Variants in TEK observed in about 807,000 individuals in gnomAD.
TEK encodes the protein TEK receptor tyrosine kinase.
Under a neutral mutation model 131.8 loss-of-function variants are expected in TEK, and 43 were observed. The ratio of observed to expected loss-of-function variants is 0.33; its 90% CI spans 0.26 to 0.42. The LOEUF is 0.42. TEK is among the 10% of genes least tolerant of loss of function. The pLI is 1.00. For missense variants in TEK, 1,162 were observed against 1,384.4 expected, an observed-to-expected ratio of 0.84 and a Z score of 2.55; for synonymous variants, 580 against 491.6, an observed-to-expected ratio of 1.18 and a Z score of -2.38.
intron 1 of TEK, among the ~76,000 whole-genome samples, chr9:27,138,236 C>T (rs13286129): frequency 0.24 from 36,334 of 151,970 alleles, 4,861 homozygotes; most frequent in Admixed American, 0.31. Flanking sequence ...GGGATCTGAG[C>T]GGGTTGCCGC....
chr9:27,155,624 G>C (rs1053437440), intron 1 of TEK, among the ~76,000 whole-genome samples: 1 of 152,194 alleles, frequency 6.6e-6, no homozygotes, highest in Non-Finnish European at 1.5e-5. Flanking sequence ...TACAATGCTT[G>C]ACATAAGTAG....
At chr9:27,129,634 T>C (rs759989691) in intron 1 of TEK, among the ~76,000 whole-genome samples, 1 of 152,252 alleles carries the variant, frequency 6.6e-6, no homozygotes, top group African/African-American at 2.4e-5. Flanking sequence ...AAGGGGCTTA[T>C]GCAAATATTC....
intron 12 of TEK, 152 bp from the exon 13 acceptor site, chr9:27,202,668 G>A: frequency 1.4e-6 from 1 of 732,966 alleles, no homozygotes; most frequent in South Asian, 1.8e-5. Flanking sequence ...AGTCTGCGTG[G>A]AGTCCAGTAG....
At chr9:27,114,580 T>TA (rs999230768) in intron 1 of TEK, among the ~76,000 whole-genome samples, 5 of 150,408 alleles carry the variant, frequency 3.3e-5, no homozygotes, top group South Asian at 2.1e-4. Flanking sequence ...CAAAAAAAAA[T>TA]AAAAAAAAAT....
chr9:27,140,254 C>T (rs1195269647), intron 1 of TEK, among the ~76,000 whole-genome samples: 1 of 152,158 alleles, frequency 6.6e-6, no homozygotes, highest in Non-Finnish European at 1.5e-5. Flanking sequence ...TGAGCTTAGT[C>T]CCAATTCTTG....
intron 18 of TEK, among the ~76,000 whole-genome samples, chr9:27,216,488 G>A (rs758252461): frequency 1.3e-5 from 2 of 152,222 alleles, no homozygotes; most frequent in African/African-American, 2.4e-5. Context: ...TAACACTGTA[G>A]AGAGAGTTAG....
At chr9:27,150,627 G>A (rs997968337) in intron 1 of TEK, among the ~76,000 whole-genome samples, 1 of 152,092 alleles carries the variant, frequency 6.6e-6, no homozygotes, top group African/African-American at 2.4e-5. Context: ...AATAAGGTGT[G>A]AGGCTTGCAC....
intron 1 of TEK, among the ~76,000 whole-genome samples, chr9:27,132,402 T>C (rs1822260974): frequency 6.6e-6 from 1 of 152,202 alleles, no homozygotes; most frequent in African/African-American, 2.4e-5. Context: ...AAAATAATTA[T>C]AGAAGAACCC....
At chr9:27,134,657 A>C (rs1445488422) in intron 1 of TEK, among the ~76,000 whole-genome samples, 2 of 152,174 alleles carry the variant, frequency 1.3e-5, no homozygotes, top group Non-Finnish European at 2.9e-5. Flanking sequence ...GGCAAACTTC[A>C]TTTTCCAGTG....
chr9:27,222,774 A>G (rs965029574), intron 21 of TEK, among the ~76,000 whole-genome samples: 1 of 152,174 alleles, frequency 6.6e-6, no homozygotes, highest in African/African-American at 2.4e-5. Flanking sequence ...AAATCTAAAG[A>G]CCATCGACAC....
rs66900456 is a variant in TEK, at chr9:27,116,859, ATTTT to A, written c.52+7234_52+7237del. Among the ~76,000 whole-genome samples, 9 of 120,758 alleles carry A rather than the reference ATTTT, an allele frequency of 7.5e-5. No individual in the cohort carries two copies. In the East Asian group the frequency reaches 1.8e-3, roughly 24 times the overall value. 79.2% of individuals were successfully genotyped at this position (120,758 alleles called of 152,430 possible). ...GCTGCTGTAGCAGCCATGGAAAGAA[ATTTT>A]TTTTTTTTTTTTTTTTGAGTCGGAG... On this transcript the variant is annotated intron_variant, in intron 1 of 22. Transcript: ENST00000380036.
intron 2 of TEK, among the ~76,000 whole-genome samples, chr9:27,159,404 G>C (rs992976538): frequency 3.3e-5 from 5 of 152,170 alleles, no homozygotes; most frequent in African/African-American, 7.2e-5. Context: ...ATCAGAGTGA[G>C]AGGGCACTAC....
chr9:27,205,787 T>A (rs1436564175), intron 14 of TEK, among the ~76,000 whole-genome samples: 1 of 152,204 alleles, frequency 6.6e-6, no homozygotes, highest in Non-Finnish European at 1.5e-5. Flanking sequence ...TGAACCAGAC[T>A]TTATCAATTC....
chr9:27,139,959 C>T (rs73643149), intron 1 of TEK, among the ~76,000 whole-genome samples: 8,879 of 152,162 alleles, frequency 0.058, 849 homozygotes, highest in African/African-American at 0.2. Context: ...GCCACCTTGG[C>T]TTCCCCAGTC....
chr9:27,116,295 G>A (rs895451477), intron 1 of TEK, among the ~76,000 whole-genome samples: 16 of 148,130 alleles, frequency 1.1e-4, no homozygotes, highest in African/African-American at 3.9e-4. Context: ...TGTAAAGGAA[G>A]TTTTTTTTTT....
At position 27,229,251 on chromosome 9, in the gene TEK, CCT is replaced by C. The variant is rs1369458626; in HGVS notation, c.*22_*23del. The C allele has an allele frequency of 1.2e-6, 2 of 1,611,790 alleles. No individual in the cohort carries two copies. The highest frequency in any genetic ancestry group is 1.7e-6 in the Non-Finnish European group (2 of 1,178,124). The stretch of plus-strand genomic sequence containing the variant: ...GGCCTAGGACAGAACATCTGTATAC[CCT>C]CTGTTTCCCTTTCACTGGCATGGGA... On this transcript the variant is annotated 3_prime_UTR_variant, in exon 23 of 23. Coordinates refer to ENST00000380036, the MANE Select transcript of TEK (RefSeq NM_000459.5).
chr9:27,192,743 C>G lies in TEK; in HGVS notation c.1624+120C>G, dbSNP rs573262992. 1.2e-5 allele frequency: 11 copies of G among 950,628 alleles called. No homozygotes were observed. The East Asian group carries it at 2.4e-4, about 21-fold the overall frequency. The allele number at this position is 950,628 out of a possible 1,614,324, so 58.9% of individuals were successfully genotyped here. A position where few individuals can be genotyped will look rare whatever the true frequency, so the allele number is the denominator to read the frequency against. ...AGTGGGTGGGTGGGGATGGAGGTGG[C>G]AGGAGTTCGCTTTTGAATGGGTGGG... On this transcript the variant is annotated intron_variant, in intron 11 of 22. Coordinates refer to ENST00000380036, the MANE Select transcript of TEK (RefSeq NM_000459.5).
At chr9:27,219,515 A>T (rs36012522) in intron 20 of TEK, among the ~76,000 whole-genome samples, 4,430 of 152,216 alleles carry the variant, frequency 0.029, 94 homozygotes, top group Non-Finnish European at 0.049. Flanking sequence ...GAGGGAGAGC[A>T]TTAGGACAAA....
Position 27,131,478 on chromosome 9 carries a change from C to CAAAAAA in TEK, c.52+21849_52+21854dup, listed in dbSNP as rs537408115. ...TGGGTAACAGGACAAGACCCTGTCT[C>CAAAAAA]AAAAAAAAAAAAAAAAAAGTTATGA... On this transcript the variant is annotated intron_variant, in intron 1 of 22. Transcript: ENST00000380036. Among the ~76,000 whole-genome samples the CAAAAAA allele has an allele frequency of 4.1e-5, 4 of 97,160 alleles. 1 individual carries two copies. Among genetic ancestry groups the CAAAAAA allele is most frequent in the African/African-American group, 1.5e-4 (4 of 26,332 alleles). The allele number at this position is 97,160 out of a possible 152,430, so 63.7% of individuals were successfully genotyped here.
Sources: allele counts gnomAD v4.1 joint callset (sites outside exome capture counted in the v4.1 genomes callset), GRCh38; gene constraint gnomAD v4.1.1; transcripts MANE v1.5; gene names NCBI Gene and HGNC (gene_info 2026-07-23, HGNC 2026-07-21).